Variants in CTIF observed in about 807,000 individuals in gnomAD.
CTIF encodes CBP80/20-dependent translation initiation factor.
In CTIF, 21 loss-of-function variants were observed where a neutral mutation model predicts 66.0. That is an observed-to-expected ratio of 0.32 (90% CI 0.23 to 0.46). The LOEUF (loss-of-function observed/expected upper bound fraction) is 0.46, where lower values mean the gene tolerates loss of function less well. Ranked by LOEUF, CTIF falls within the 20% of genes least tolerant of loss-of-function variation. CTIF has a pLI of 1.00. For missense variants in CTIF, 739 were observed against 812.7 expected (o/e 0.91, Z 1.10); for synonymous variants, 345 against 326.4 (o/e 1.06, Z -0.62).
chr18:48,716,484 C>T (rs1198916144), intron 7 of CTIF, among the ~76,000 whole-genome samples: 2 of 152,080 alleles, frequency 1.3e-5, no homozygotes, highest in African/African-American at 2.4e-5. Context: ...TGTGATTGAC[C>T]GTGACTGTGG....
chr18:48,548,685 C>T (rs1488527031), intron 1 of CTIF, among the ~76,000 whole-genome samples: 3 of 152,256 alleles, frequency 2.0e-5, no homozygotes, highest in Non-Finnish European at 4.4e-5. Context: ...TCCGAGAAAG[C>T]ACCCAGTTTC....
At chr18:48,716,692 G>A (rs1329264985) in intron 7 of CTIF, among the ~76,000 whole-genome samples, 1 of 152,140 alleles carries the variant, frequency 6.6e-6, no homozygotes, top group Non-Finnish European at 1.5e-5. Flanking sequence ...GATCCCGCCC[G>A]ACTGTCAGCA....
At chr18:48,727,426 C>T (rs1298510565) in intron 7 of CTIF, among the ~76,000 whole-genome samples, 1 of 152,178 alleles carries the variant, frequency 6.6e-6, no homozygotes, top group Non-Finnish European at 1.5e-5. Flanking sequence ...GTCTTTGCAG[C>T]TGATTTGTTG....
At chr18:48,593,813 C>T (rs1282243873) in intron 1 of CTIF, among the ~76,000 whole-genome samples, 2 of 151,588 alleles carry the variant, frequency 1.3e-5, no homozygotes, top group African/African-American at 4.9e-5. Flanking sequence ...ATGAAGGTGG[C>T]TGGCTGAGGT....
At chr18:48,802,847 G>A (rs1005065552) in intron 9 of CTIF, among the ~76,000 whole-genome samples, 1 of 152,210 alleles carries the variant, frequency 6.6e-6, no homozygotes, top group African/African-American at 2.4e-5. Context: ...CTTGCTTTGA[G>A]GAATTCCTGC....
intron 1 of CTIF, among the ~76,000 whole-genome samples, chr18:48,598,031 T>C (rs2090018487): frequency 6.6e-6 from 1 of 152,166 alleles, no homozygotes; most frequent in African/African-American, 2.4e-5. Context: ...TTCCAGCTCA[T>C]CTTCTGGCTG....
chr18:48,733,263 G>A (rs992885902), intron 7 of CTIF, among the ~76,000 whole-genome samples: 12 of 152,166 alleles, frequency 7.9e-5, no homozygotes, highest in Non-Finnish European at 1.8e-4. Context: ...CTGTGTGGGA[G>A]GGGGTGGGTG....
At chr18:48,621,633 C>A in intron 2 of CTIF, 1 of 331,610 alleles carries the variant, frequency 3.0e-6, no homozygotes, top group South Asian at 2.3e-5. Flanking sequence ...CGGGCCACTG[C>A]CAGGCCAGGT....
chr18:48,660,176 G>A (rs886295277), intron 3 of CTIF, among the ~76,000 whole-genome samples: 2 of 150,808 alleles, frequency 1.3e-5, no homozygotes, highest in African/African-American at 4.9e-5. Context: ...TCTTGATATC[G>A]TTCAGGGATA....
At chr18:48,822,015 A>C (rs544193395) in intron 10 of CTIF, among the ~76,000 whole-genome samples, 1 of 152,270 alleles carries the variant, frequency 6.6e-6, no homozygotes, top group Admixed American at 6.5e-5. Flanking sequence ...GGCAACCACT[A>C]TTCGTTGCTT....
intron 7 of CTIF, among the ~76,000 whole-genome samples, chr18:48,730,782 T>C (rs2092449914): frequency 7.1e-6 from 1 of 140,554 alleles, no homozygotes; most frequent in Non-Finnish European, 1.6e-5. Context: ...GAACGCAGTG[T>C]GAAGGGCCCC....
chr18:48,669,790 CATTTATATATATATATATATAT>C (rs1220089256), intron 5 of CTIF, among the ~76,000 whole-genome samples: 474 of 35,970 alleles, frequency 0.013, 50 homozygotes, highest in Admixed American at 0.027. Flanking sequence ...ACAAGCTAAA[CATTTATATATATATATATATAT>C]ATATATATAT....
intron 10 of CTIF, chr18:48,826,394 G>A (rs1423579276): frequency 3.3e-5 from 5 of 152,222 alleles, no homozygotes; most frequent in East Asian, 1.9e-4. Flanking sequence ...TGCTCCACTT[G>A]TATTTCCATA....
intron 9 of CTIF, among the ~76,000 whole-genome samples, chr18:48,795,474 T>A (rs2067894579): frequency 6.6e-6 from 1 of 152,240 alleles, no homozygotes; most frequent in African/African-American, 2.4e-5. Flanking sequence ...GAGTCCCAGA[T>A]AAAAGGAAGC....
chr18:48,716,244 G>A (rs1229436800), intron 7 of CTIF, among the ~76,000 whole-genome samples: 1 of 152,220 alleles, frequency 6.6e-6, no homozygotes, highest in Non-Finnish European at 1.5e-5. Flanking sequence ...GGCCTGAGCT[G>A]TAGCTTGCAC....
At chr18:48,549,863 G>A (rs902572752) in intron 1 of CTIF, among the ~76,000 whole-genome samples, 1 of 152,196 alleles carries the variant, frequency 6.6e-6, no homozygotes, top group Non-Finnish European at 1.5e-5. Flanking sequence ...AGCAATGGTT[G>A]GCTAAGCAAA....
intron 7 of CTIF, among the ~76,000 whole-genome samples, chr18:48,741,420 CTTTTT>C (rs11425141): frequency 9.5e-6 from 1 of 104,830 alleles, no homozygotes. Flanking sequence ...GTGACCAGGG[CTTTTT>C]TTTTTTTTTT....
intron 7 of CTIF, among the ~76,000 whole-genome samples, chr18:48,738,511 C>T (rs1450375173): frequency 1.3e-5 from 2 of 152,152 alleles, no homozygotes; most frequent in Non-Finnish European, 2.9e-5. Flanking sequence ...AGAAGTTCCA[C>T]CTCGGGGACT....
intron 9 of CTIF, among the ~76,000 whole-genome samples, chr18:48,781,684 G>C (rs1029768250): frequency 2.6e-5 from 4 of 152,050 alleles, no homozygotes; most frequent in African/African-American, 9.7e-5. Flanking sequence ...CTTGTCTTGT[G>C]TTAGTCTCCC....
Sources: allele counts gnomAD v4.1 joint callset (sites outside exome capture counted in the v4.1 genomes callset), GRCh38; gene constraint gnomAD v4.1.1; transcripts MANE v1.5; gene names NCBI Gene and HGNC (gene_info 2026-07-23, HGNC 2026-07-21).